The following PYY variants were observed in gnomAD, a reference collection of about 807,000 sequenced individuals.
The protein encoded by PYY is peptide YY, also known as peptide tyrosine tyrosine.
Under a neutral mutation model 10.3 loss-of-function variants are expected in PYY, and 12 were observed. The ratio of observed to expected loss-of-function variants is 1.17; its 90% CI spans 0.75 to 1.89. The LOEUF is 1.89. PYY is among the 40% of genes most tolerant of loss of function. The pLI is 0.00. For missense variants in PYY, 141 were observed against 134.0 expected, an observed-to-expected ratio of 1.05 and a Z score of -0.26; for synonymous variants, 66 against 62.0, an observed-to-expected ratio of 1.06 and a Z score of -0.30.
At chr17:43,958,407 GA>G (rs1210811079), upstream of PYY, among the ~76,000 whole-genome samples, 8 of 150,826 alleles carry the variant, frequency 5.3e-5, no homozygotes, top group Non-Finnish European at 1.2e-4. Context: ...TTTTGAGACG[GA>G]GTCTTACTGT....
chr17:43,971,351 CGT>C (rs1304316880), intron 1 of PYY, among the ~76,000 whole-genome samples: 1 of 152,138 alleles, frequency 6.6e-6, no homozygotes, highest in East Asian at 1.9e-4. Flanking sequence ...GGGCAGATCA[CGT>C]GAGATCCTGA....
chr17:43,953,396 G>A lies in PYY; in HGVS notation c.88C>T (p.Pro30Ser). The change falls in exon 2 of 4, where the codon CCC (proline) becomes TCC (serine). Residue 30 changes from proline (P) to serine (S), a missense_variant. Pro to Ser is a moderately conservative substitution (Grantham distance 74). Coordinates refer to ENST00000692052, the MANE Select transcript of PYY (RefSeq NM_001394028.1). Reference protein sequence around the residue: ...VCLGALVDAYPIKPEAPREDA... With the variant: ...VCLGALVDAYSIKPEAPREDA... ...TCGCGGGGAGCCTCGGGTTTGATGG[G>A]GTAGGCGTCGACCAGCGCCCCTAGG... 6.2e-7 allele frequency: 1 copy of A among 1,612,918 alleles called. No individual in the cohort carries two copies. The highest frequency in any genetic ancestry group is 8.5e-7 in the Non-Finnish European group (1 of 1,179,598).
At chr17:43,974,818 GC>G (rs1228398834) in intron 1 of PYY, among the ~76,000 whole-genome samples, 16 of 152,098 alleles carry the variant, frequency 1.1e-4, no homozygotes, top group Admixed American at 3.3e-4. Flanking sequence ...GGATTAGGAT[GC>G]TTTTTCTTTC....
intron 1 of PYY, 32 bp from the exon 2 acceptor site, chr17:43,953,515 C>G (rs2048649800): frequency 6.5e-7 from 1 of 1,546,820 alleles, no homozygotes; most frequent in Non-Finnish European, 8.7e-7. Flanking sequence ...GTGGGTCATT[C>G]CAAGCCTCGA....
upstream of PYY, among the ~76,000 whole-genome samples, chr17:43,955,748 C>T (rs1232645637): frequency 2.6e-5 from 4 of 152,132 alleles, no homozygotes; most frequent in Admixed American, 6.5e-5. Context: ...CAGAGACAGC[C>T]TTTGTCCTGT....
intron 1 of PYY, among the ~76,000 whole-genome samples, chr17:43,994,546 C>T (rs1408887931): frequency 1.3e-5 from 2 of 152,162 alleles, no homozygotes; most frequent in Non-Finnish European, 2.9e-5. Context: ...ACAAAGTCAG[C>T]CCGAATCCAG....
chr17:43,966,696 A>G (rs1304200519), intron 1 of PYY, among the ~76,000 whole-genome samples: 1 of 152,216 alleles, frequency 6.6e-6, no homozygotes, highest in Non-Finnish European at 1.5e-5. Flanking sequence ...ACTTTCTAGC[A>G]TTCTATGTAA....
intron 1 of PYY, among the ~76,000 whole-genome samples, chr17:43,983,016 G>A (rs1173778804): frequency 6.6e-6 from 1 of 152,174 alleles, no homozygotes. Flanking sequence ...CGAATCACCT[G>A]AGATTGGGAG....
intron 1 of PYY, among the ~76,000 whole-genome samples, chr17:43,990,796 T>TG (rs1008865699): frequency 1.7e-4 from 25 of 144,036 alleles, no homozygotes; most frequent in African/African-American, 3.4e-4. Context: ...TTAATGTTGT[T>TG]TTTTTTTTTT....
At chr17:43,993,150 C>CA (rs1212855199) in intron 1 of PYY, among the ~76,000 whole-genome samples, 1 of 151,972 alleles carries the variant, frequency 6.6e-6, no homozygotes, top group Non-Finnish European at 1.5e-5. Context: ...CCTATCTCTA[C>CA]AAAAAAATAC....
At chr17:43,963,570 A>AAAAGAAAGAAAGAAAG (rs1162426873) in intron 2 of PYY, among the ~76,000 whole-genome samples, 1,120 of 104,662 alleles carry the variant, frequency 0.011, 16 homozygotes, top group African/African-American at 0.021. Flanking sequence ...GGAAGGAAGG[A>AAAAGAAAGAAAGAAAG]AAAGAAAGAA....
chr17:43,983,000 G>C (rs1169658818), intron 1 of PYY, among the ~76,000 whole-genome samples: 1 of 152,184 alleles, frequency 6.6e-6, no homozygotes, highest in Non-Finnish European at 1.5e-5. Context: ...GGGAGGCCAA[G>C]GTGGGCGAAT....
intron 1 of PYY, among the ~76,000 whole-genome samples, chr17:43,968,068 CA>C: frequency 6.6e-6 from 1 of 152,222 alleles, no homozygotes; most frequent in South Asian, 2.1e-4. Flanking sequence ...GGTCCACAGA[CA>C]ACCAAATCTT....
At chr17:43,998,127 C>T (rs917208679) in intron 1 of PYY, among the ~76,000 whole-genome samples, 2 of 152,030 alleles carry the variant, frequency 1.3e-5, no homozygotes, top group African/African-American at 2.4e-5. Flanking sequence ...TTAGTAGAGA[C>T]GGAGTTTCAC....
chr17:44,002,222 G>A (rs1262325755), intron 1 of PYY, among the ~76,000 whole-genome samples: 1 of 152,190 alleles, frequency 6.6e-6, no homozygotes. Context: ...CCGAGGGGTG[G>A]GGGACTGCGG....
At chr17:43,991,150 C>T (rs1597857857) in intron 1 of PYY, among the ~76,000 whole-genome samples, 1 of 151,954 alleles carries the variant, frequency 6.6e-6, no homozygotes, top group African/African-American at 2.4e-5. Flanking sequence ...TCAACTGGGG[C>T]CAGGCACAGT....
intron 1 of PYY, 128 bp downstream of exon 1, chr17:43,953,722 C>G (rs928531454): frequency 7.3e-5 from 29 of 396,122 alleles, no homozygotes; most frequent in African/African-American, 2.1e-5. Flanking sequence ...CTGCTGGCCT[C>G]CTTCCCACCT....
chr17:43,970,040 C>T (rs2048780776), intron 1 of PYY, among the ~76,000 whole-genome samples: 1 of 151,742 alleles, frequency 6.6e-6, no homozygotes. Context: ...CCACGCCCAG[C>T]CAAAAGTTTT....
chr17:43,976,261 G>A (rs1341939744), intron 1 of PYY, among the ~76,000 whole-genome samples: 2 of 133,530 alleles, frequency 1.5e-5, no homozygotes, highest in Admixed American at 7.4e-5. Flanking sequence ...ATGTATACAT[G>A]TATACATGTA....
Sources: allele counts gnomAD v4.1 joint callset (sites outside exome capture counted in the v4.1 genomes callset), GRCh38; gene constraint gnomAD v4.1.1; transcripts MANE v1.5; gene names NCBI Gene and HGNC (gene_info 2026-07-23, HGNC 2026-07-21).